CHST11: variants seen among roughly 807,000 people sequenced by gnomAD.
The protein encoded by CHST11 is carbohydrate sulfotransferase 11, also known as C4S-1.
CHST11 carries 9 observed loss-of-function variants against 30.4 expected under a neutral mutation model. That is an observed-to-expected ratio of 0.30 (90% CI 0.18 to 0.52). The LOEUF is 0.52. CHST11 is among the 20% of genes least tolerant of loss of function. The probability of loss-of-function intolerance (pLI) is 0.97; values close to 1 mark genes in which losing one functional copy is unlikely to be tolerated. For missense variants in CHST11, 348 were observed against 460.6 expected (o/e 0.76, Z 2.24); for synonymous variants, 152 against 187.8 (o/e 0.81, Z 1.56).
At chr12:104,596,656 G>A (rs1453706089) in intron 1 of CHST11, among the ~76,000 whole-genome samples, 1 of 152,098 alleles carries the variant, frequency 6.6e-6, no homozygotes, top group East Asian at 1.9e-4. Flanking sequence ...TGCAAAGTGG[G>A]ACTAGATGAT....
chr12:104,664,999 G>C (rs561248072), intron 2 of CHST11, among the ~76,000 whole-genome samples: 2 of 152,222 alleles, frequency 1.3e-5, no homozygotes, highest in African/African-American at 4.8e-5. Flanking sequence ...TTCAGGAAGA[G>C]AGAGTGGCTC....
chr12:104,635,551 A>T (rs1447857865), intron 2 of CHST11, among the ~76,000 whole-genome samples: 2 of 152,206 alleles, frequency 1.3e-5, no homozygotes, highest in African/African-American at 4.8e-5. Context: ...GATGTCTTTG[A>T]ACAAGACTAA....
chr12:104,601,774 T>C lies in CHST11; in HGVS notation c.119-132T>C. 7.4e-6 allele frequency: 5 copies of C among 676,932 alleles called. No homozygotes were observed. The South Asian group carries it at 9.6e-5, about 13-fold the overall frequency. 41.9% of individuals were successfully genotyped at this position (676,932 alleles called of 1,614,324 possible). On this transcript the variant is annotated intron_variant, in intron 1 of 2. Coordinates refer to ENST00000303694, the MANE Select transcript of CHST11 (RefSeq NM_018413.6). ...TGTTGGAGAAGGGACAGTGTGGAAATCTTCCTTTGCTAGAAGCTGGTTTTC... is the reference window on the plus strand; with the variant it reads ...TGTTGGAGAAGGGACAGTGTGGAAACCTTCCTTTGCTAGAAGCTGGTTTTC...
chr12:104,738,602 C>T (rs312171), intron 2 of CHST11, among the ~76,000 whole-genome samples: 73,182 of 152,054 alleles, frequency 0.48, 17,838 homozygotes, highest in South Asian at 0.66. Flanking sequence ...TGCAGGGGCA[C>T]GTGCAACTCC....
chr12:104,506,413 C>T (rs1350748367), intron 1 of CHST11, among the ~76,000 whole-genome samples: 2 of 152,112 alleles, frequency 1.3e-5, no homozygotes, highest in South Asian at 2.1e-4. Context: ...TGAAGTGAGG[C>T]AGAGGTGAGA....
intron 2 of CHST11, among the ~76,000 whole-genome samples, chr12:104,670,738 C>T (rs1252844869): frequency 6.6e-6 from 1 of 151,194 alleles, no homozygotes; most frequent in African/African-American, 2.4e-5. Flanking sequence ...CACACACACT[C>T]CCACACATAC....
At chr12:104,731,541 G>C (rs1267881830) in intron 2 of CHST11, among the ~76,000 whole-genome samples, 1 of 152,160 alleles carries the variant, frequency 6.6e-6, no homozygotes, top group South Asian at 2.1e-4. Context: ...AAATGGGCTC[G>C]AGGGCTGTGG....
intron 1 of CHST11, among the ~76,000 whole-genome samples, chr12:104,461,245 A>G (rs966804742): frequency 5.3e-5 from 8 of 152,136 alleles, no homozygotes; most frequent in African/African-American, 1.9e-4. Context: ...TGTGTCCTGG[A>G]TTCTGGAGAA....
intron 2 of CHST11, among the ~76,000 whole-genome samples, chr12:104,747,119 G>T (rs934909626): frequency 6.6e-6 from 1 of 152,214 alleles, no homozygotes; most frequent in Non-Finnish European, 1.5e-5. Context: ...AGATCTCTGG[G>T]GTGGGACTCA....
intron 1 of CHST11, among the ~76,000 whole-genome samples, chr12:104,479,695 G>A (rs930463687): frequency 6.6e-6 from 1 of 152,184 alleles, no homozygotes; most frequent in African/African-American, 2.4e-5. Flanking sequence ...TAGTATGCTA[G>A]GAAGTTTTTT....
intron 1 of CHST11, among the ~76,000 whole-genome samples, chr12:104,570,347 G>A (rs894208155): frequency 2.6e-5 from 4 of 152,092 alleles, no homozygotes; most frequent in Admixed American, 6.5e-5. Context: ...AGGTGTGTGA[G>A]CAGCTGCAGA....
At chr12:104,536,147 T>G (rs2038235478) in intron 1 of CHST11, among the ~76,000 whole-genome samples, 1 of 152,176 alleles carries the variant, frequency 6.6e-6, no homozygotes, top group South Asian at 2.1e-4. Flanking sequence ...GTGAAAATGA[T>G]GGACTGGGAA....
chr12:104,720,328 G>T (rs2040164033), intron 2 of CHST11, among the ~76,000 whole-genome samples: 1 of 152,254 alleles, frequency 6.6e-6, no homozygotes, highest in Admixed American at 6.5e-5. Flanking sequence ...AATTGAGGAA[G>T]GCCGAGTTGC....
chr12:104,492,639 C>T (rs540880115), intron 1 of CHST11, among the ~76,000 whole-genome samples: 10 of 152,304 alleles, frequency 6.6e-5, no homozygotes, highest in Admixed American at 1.3e-4. Flanking sequence ...TTTAAGATTA[C>T]ACTTTTGGCT....
chr12:104,612,973 G>T (rs2039073253), intron 2 of CHST11, among the ~76,000 whole-genome samples: 1 of 152,102 alleles, frequency 6.6e-6, no homozygotes, highest in Non-Finnish European at 1.5e-5. Context: ...TGTAATCCCA[G>T]CACTTTGGGA....
chr12:104,605,448 G>C (rs914246872), intron 2 of CHST11, among the ~76,000 whole-genome samples: 2 of 152,158 alleles, frequency 1.3e-5, no homozygotes, highest in Admixed American at 6.5e-5. Context: ...GCGTGGTGGC[G>C]GGCGCCTACA....
At chr12:104,614,149 G>A (rs2039086251) in intron 2 of CHST11, among the ~76,000 whole-genome samples, 1 of 152,170 alleles carries the variant, frequency 6.6e-6, no homozygotes. Flanking sequence ...GCATCATGTT[G>A]TATACCATGA....
chr12:104,726,935 G>A (rs1024200342), intron 2 of CHST11, among the ~76,000 whole-genome samples: 8 of 152,132 alleles, frequency 5.3e-5, no homozygotes, highest in African/African-American at 1.9e-4. Context: ...AGAGTAAGGA[G>A]GCTATTAGGG....
intron 1 of CHST11, among the ~76,000 whole-genome samples, chr12:104,595,023 T>C (rs1001151832): frequency 6.6e-6 from 1 of 152,134 alleles, no homozygotes; most frequent in Non-Finnish European, 1.5e-5. Flanking sequence ...ATGTTAGTCA[T>C]TGCTAAGGAG....
Sources: allele counts gnomAD v4.1 joint callset (sites outside exome capture counted in the v4.1 genomes callset), GRCh38; gene constraint gnomAD v4.1.1; transcripts MANE v1.5; gene names NCBI Gene and HGNC (gene_info 2026-07-23, HGNC 2026-07-21).